RPS6KC1: variants seen among roughly 807,000 people sequenced by gnomAD.
RPS6KC1 encodes the protein ribosomal protein S6 kinase C1.
In RPS6KC1, 54 loss-of-function variants were observed where a neutral mutation model predicts 103.8. The observed-to-expected ratio is 0.52, with a 90% CI of 0.42 to 0.65. The LOEUF (loss-of-function observed/expected upper bound fraction) is 0.65, where lower values mean the gene tolerates loss of function less well. Among genes scored for constraint, RPS6KC1 ranks in the 30% least tolerant of loss-of-function variants. RPS6KC1 has a pLI of 0.00. For missense variants in RPS6KC1, 1,151 were observed against 1,253.8 expected (o/e 0.92, Z 1.24); for synonymous variants, 439 against 438.7 (o/e 1.00, Z -0.01).
the RPS6KC1 span, among the ~76,000 whole-genome samples, chr1:213,319,674 A>C: frequency 6.6e-6 from 1 of 152,198 alleles, no homozygotes; most frequent in Non-Finnish European, 1.5e-5. Context: ...AACTCTTTCC[A>C]TCTTGAAAGA....
chr1:213,826,759 A>T, the RPS6KC1 span, among the ~76,000 whole-genome samples: 2 of 152,202 alleles, frequency 1.3e-5, no homozygotes, highest in Non-Finnish European at 2.9e-5. Context: ...TAATCCTCAG[A>T]ACAACCCTGG....
the RPS6KC1 span, among the ~76,000 whole-genome samples, chr1:213,320,259 G>A: frequency 6.6e-6 from 1 of 152,200 alleles, no homozygotes; most frequent in South Asian, 2.1e-4. Context: ...AGCAAATTAG[G>A]AGAGTGATTC....
Position 213,272,859 on chromosome 1 carries a change from G to A in RPS6KC1, c.*225G>A, listed in dbSNP as rs1277479719. The A allele has an allele frequency of 3.1e-6, 1 of 327,780 alleles. No homozygotes were observed. Among genetic ancestry groups the A allele is most frequent in the Non-Finnish European group, 5.8e-6 (1 of 172,440 alleles). 20.3% of individuals were successfully genotyped at this position (327,780 alleles called of 1,614,324 possible). On this transcript the variant is annotated 3_prime_UTR_variant, in exon 15 of 15. Transcript: ENST00000366960. The stretch of plus-strand genomic sequence containing the variant: ...GTTATATACATATATACACAACCAA[G>A]GTGTGATCTGAATTTAATCCACATT...
At chr1:213,230,961 A>C (rs1323421817) in intron 9 of RPS6KC1, among the ~76,000 whole-genome samples, 1 of 152,038 alleles carries the variant, frequency 6.6e-6, no homozygotes, top group Non-Finnish European at 1.5e-5. Context: ...AATATTAACT[A>C]AGTAGTTAAT....
chr1:213,828,115 A>G, the RPS6KC1 span, among the ~76,000 whole-genome samples: 11 of 152,278 alleles, frequency 7.2e-5, no homozygotes, highest in East Asian at 1.9e-3. Flanking sequence ...GATGAAATAG[A>G]CTTCAGAGAG....
the RPS6KC1 span, among the ~76,000 whole-genome samples, chr1:213,698,545 G>T: frequency 6.6e-6 from 1 of 151,870 alleles, no homozygotes; most frequent in Non-Finnish European, 1.5e-5. Flanking sequence ...ATTTTGTTTT[G>T]CTCACTAAAG....
chr1:213,132,352 G>A (rs2085736111), intron 6 of RPS6KC1, among the ~76,000 whole-genome samples: 1 of 152,148 alleles, frequency 6.6e-6, no homozygotes, highest in Non-Finnish European at 1.5e-5. Flanking sequence ...TATTCATAAT[G>A]TGATCAATTT....
At chr1:213,773,850 C>T in the RPS6KC1 span, among the ~76,000 whole-genome samples, 1 of 152,168 alleles carries the variant, frequency 6.6e-6, no homozygotes, top group Non-Finnish European at 1.5e-5. Context: ...TTGAAAATAA[C>T]ATCACAGCAA....
chr1:213,182,804 T>A (rs994504259), intron 8 of RPS6KC1, among the ~76,000 whole-genome samples: 1 of 148,550 alleles, frequency 6.7e-6, no homozygotes, highest in Non-Finnish European at 1.5e-5. Context: ...ATATTTTATA[T>A]ATCACATGTT....
the RPS6KC1 span, among the ~76,000 whole-genome samples, chr1:213,280,574 A>T: frequency 6.6e-6 from 1 of 152,140 alleles, no homozygotes; most frequent in Non-Finnish European, 1.5e-5. Flanking sequence ...AAAACTGGGG[A>T]ACTCAGTGGG....
the RPS6KC1 span, among the ~76,000 whole-genome samples, chr1:213,671,670 G>C: frequency 1.3e-5 from 2 of 152,152 alleles, no homozygotes; most frequent in Non-Finnish European, 2.9e-5. Context: ...TGTAATCCCA[G>C]CTACTCGGAA....
At chr1:213,148,203 G>A (rs1466828929) in intron 6 of RPS6KC1, among the ~76,000 whole-genome samples, 1 of 151,952 alleles carries the variant, frequency 6.6e-6, no homozygotes, top group Admixed American at 6.6e-5. Context: ...TTGTCTGATT[G>A]CTTCTAGTAC....
rs543583766 is a variant in RPS6KC1 at position 213,153,406 on chromosome 1, A to G, written c.836-14452A>G. On this transcript the variant is annotated intron_variant, in intron 6 of 14. Transcript: ENST00000366960. Reference sequence around the variant, plus strand: ...GGCTTGCAAATATATCTTGTAACCCATTATTTTAACTTGATAACAACTTAA... The same window carrying G: ...GGCTTGCAAATATATCTTGTAACCCGTTATTTTAACTTGATAACAACTTAA... Among the ~76,000 whole-genome samples, 7 of 152,298 alleles carry G rather than the reference A, an allele frequency of 4.6e-5. No individual in the cohort carries two copies. The South Asian group carries it at 6.2e-4, about 14-fold the overall frequency.
the RPS6KC1 span, among the ~76,000 whole-genome samples, chr1:213,383,889 AC>A: frequency 6.6e-6 from 1 of 152,164 alleles, no homozygotes. Context: ...AGCCTCTAGA[AC>A]TATGAGAAAT....
At chr1:213,553,334 C>T in the RPS6KC1 span, among the ~76,000 whole-genome samples, 1,078 of 152,134 alleles carry the variant, frequency 7.1e-3, 11 homozygotes, top group African/African-American at 0.021. Context: ...CTGCGAAGGA[C>T]GTGGTTTCAT....
chr1:213,265,856 ATGT>A (rs1188720731), intron 14 of RPS6KC1, among the ~76,000 whole-genome samples: 3 of 152,314 alleles, frequency 2.0e-5, no homozygotes, highest in Non-Finnish European at 4.4e-5. Flanking sequence ...AGGCAGTGTA[ATGT>A]TGTTGTTAAG....
chr1:213,744,848 T>G, the RPS6KC1 span, among the ~76,000 whole-genome samples: 3 of 152,226 alleles, frequency 2.0e-5, no homozygotes, highest in African/African-American at 7.2e-5. Context: ...AAATATGCAG[T>G]TCTTCACAAA....
At chr1:213,792,940 G>A in the RPS6KC1 span, among the ~76,000 whole-genome samples, 3 of 151,774 alleles carry the variant, frequency 2.0e-5, no homozygotes, top group Non-Finnish European at 4.4e-5. Context: ...CCAGGTAGCA[G>A]TCTTATCACT....
chr1:213,193,671 C>T (rs542487727), intron 8 of RPS6KC1, among the ~76,000 whole-genome samples: 4 of 152,116 alleles, frequency 2.6e-5, no homozygotes, highest in South Asian at 2.1e-4. Context: ...AGTCTCACTA[C>T]GTCACCCAGG....
Sources: allele counts gnomAD v4.1 joint callset (sites outside exome capture counted in the v4.1 genomes callset), GRCh38; gene constraint gnomAD v4.1.1; transcripts MANE v1.5; gene names NCBI Gene and HGNC (gene_info 2026-07-23, HGNC 2026-07-21).